PSMD14: variants seen among roughly 807,000 people sequenced by gnomAD.
PSMD14 encodes the protein proteasome 26S subunit, non-ATPase 14, also known as ubiquitin C-terminal hydrolase PSMD14.
Under a neutral mutation model 41.2 loss-of-function variants are expected in PSMD14, and 7 were observed. The ratio of observed to expected loss-of-function variants is 0.17; its 90% confidence interval spans 0.10 to 0.32. The LOEUF is 0.32. Ranked by LOEUF, PSMD14 falls within the 10% of genes least tolerant of loss-of-function variation. The pLI is 1.00. For missense variants in PSMD14, 139 were observed against 375.6 expected, an observed-to-expected ratio of 0.37 and a Z score of 5.21; for synonymous variants, 114 against 122.3, an observed-to-expected ratio of 0.93 and a Z score of 0.45.
intron 8 of PSMD14, among the ~76,000 whole-genome samples, chr2:161,388,361 G>A (rs189698838): frequency 2.0e-5 from 3 of 152,190 alleles, no homozygotes; most frequent in Admixed American, 1.3e-4. Flanking sequence ...GGCCCATAAA[G>A]TTGAGTTGCC....
At chr2:161,403,930 C>G (rs1293173419) in intron 10 of PSMD14, among the ~76,000 whole-genome samples, 1 of 151,322 alleles carries the variant, frequency 6.6e-6, no homozygotes, top group East Asian at 1.9e-4. Flanking sequence ...TTTTAAGGGA[C>G]CAGGTCTTGC....
intron 11 of PSMD14, among the ~76,000 whole-genome samples, 197 bp from the exon 12 acceptor site, chr2:161,411,103 CTA>C (rs1170779460): frequency 6.6e-6 from 1 of 152,010 alleles, no homozygotes; most frequent in African/African-American, 2.4e-5. Flanking sequence ...ATTGTGTAAT[CTA>C]TTATTTTATT....
intron 3 of PSMD14, among the ~76,000 whole-genome samples, chr2:161,325,916 G>C (rs1682688190): frequency 6.6e-6 from 1 of 152,172 alleles, no homozygotes; most frequent in South Asian, 2.1e-4. Flanking sequence ...CTGTTCATTA[G>C]ATGATGCTGA....
In PSMD14 at chr2:161,370,112, C is replaced by T. The variant is rs2105257330; in HGVS notation, c.246C>T (p.Val82=). Reference sequence around the variant, plus strand: ...TTTCTTTCTTTCTAAATCAGGGTGTCAGTGTGGAGGCAGTTGATCCAGTGT... The same window carrying T: ...TTTCTTTCTTTCTAAATCAGGGTGTTAGTGTGGAGGCAGTTGATCCAGTGT... ...VFAMPQSGTG[V]SVEAVDPVFQ... is the part of the protein sequence containing the mutation. Residue 82 remains valine (V), a synonymous_variant, in exon 6 of 12, where the codon GTC becomes GTT. Transcript: ENST00000409682. The T allele has an allele frequency of 1.3e-6, 2 of 1,577,660 alleles. No individual in the cohort carries two copies. The highest frequency in any genetic ancestry group is 1.2e-5 in the South Asian group (1 of 84,384).
In PSMD14 at chr2:161,371,334, T is replaced by A. The variant is rs757853993; in HGVS notation, c.462+12T>A. On this transcript the variant is annotated intron_variant, in intron 7 of 11. Transcript: ENST00000409682. ...GTGTAAAAGGAAAGGTAGAGTAGAT[T>A]CTATCTTTATTGCCATCTACTGCCA... The A allele has an allele frequency of 3.1e-6, 5 of 1,600,302 alleles. No homozygotes were observed. The South Asian group carries it at 5.6e-5, about 18-fold the overall frequency.
chr2:161,349,143 G>A (rs1008408610), intron 3 of PSMD14, among the ~76,000 whole-genome samples: 5 of 152,168 alleles, frequency 3.3e-5, no homozygotes, highest in Admixed American at 6.5e-5. Flanking sequence ...GCTATTGAAA[G>A]TAATGGCAAA....
At chr2:161,334,417 G>T (rs1043936003) in intron 3 of PSMD14, among the ~76,000 whole-genome samples, 1 of 152,142 alleles carries the variant, frequency 6.6e-6, no homozygotes, top group Admixed American at 6.5e-5. Context: ...TTTGTGTGTT[G>T]TTCTCTCTCC....
chr2:161,378,908 A>C (rs1683537791), intron 7 of PSMD14, among the ~76,000 whole-genome samples: 1 of 152,068 alleles, frequency 6.6e-6, no homozygotes, highest in African/African-American at 2.4e-5. Context: ...AGTGATACAC[A>C]GCAAAGTAAT....
At chr2:161,369,343 G>A (rs921577665) in intron 5 of PSMD14, among the ~76,000 whole-genome samples, 1 of 151,848 alleles carries the variant, frequency 6.6e-6, no homozygotes, top group Non-Finnish European at 1.5e-5. Flanking sequence ...TGTCTCTGTT[G>A]CATATTCTTC....
chr2:161,311,625 C>CTTTTTTTTTTTTT, intron 1 of PSMD14, among the ~76,000 whole-genome samples: 1 of 58,534 alleles, frequency 1.7e-5, no homozygotes, highest in Non-Finnish European at 3.1e-5. Flanking sequence ...CTCACTCTTC[C>CTTTTTTTTTTTTT]TTTTTTTTTT....
In PSMD14 at chr2:161,308,577, G is replaced by A. The variant is rs887920060; in HGVS notation, c.-165G>A. On this transcript the variant is annotated 5_prime_UTR_variant, in exon 1 of 12. Coordinates refer to ENST00000409682, the MANE Select transcript of PSMD14 (RefSeq NM_005805.6). ...CAGAGGCAAGACAAGGGTCCATATC[G>A]CGGCATCCGGCTCCCGCCCGTCTTC... is the stretch of plus-strand genomic sequence containing the variant. The A allele has an allele frequency of 6.6e-6, 1 of 152,322 alleles. No homozygotes were observed. Among genetic ancestry groups the A allele is most frequent in the Admixed American group, 6.5e-5 (1 of 15,288 alleles). The allele number at this position is 152,322 out of a possible 1,614,324, so 9.4% of individuals were successfully genotyped here.
intron 3 of PSMD14, among the ~76,000 whole-genome samples, chr2:161,340,465 A>G (rs1226315442): frequency 6.6e-6 from 1 of 152,202 alleles, no homozygotes; most frequent in Non-Finnish European, 1.5e-5. Flanking sequence ...CTGCTTTTAA[A>G]ATGTTCGTTT....
chr2:161,356,459 G>A (rs1222672715), intron 3 of PSMD14, among the ~76,000 whole-genome samples: 2 of 152,014 alleles, frequency 1.3e-5, no homozygotes, highest in Admixed American at 1.3e-4. Context: ...ATTTTTAATT[G>A]AGGAAACTGA....
intron 1 of PSMD14, among the ~76,000 whole-genome samples, chr2:161,314,083 C>CA (rs1454256806): frequency 6.6e-6 from 1 of 152,122 alleles, no homozygotes; most frequent in African/African-American, 2.4e-5. Flanking sequence ...TTCATAATTG[C>CA]AAAACATTTA....
intron 10 of PSMD14, among the ~76,000 whole-genome samples, chr2:161,407,308 G>A (rs747941267): frequency 1.3e-5 from 2 of 152,114 alleles, no homozygotes; most frequent in Non-Finnish European, 2.9e-5. Context: ...AAATAATAGA[G>A]TGACATCTGA....
chr2:161,392,956 C>T (rs1230274365), intron 9 of PSMD14, among the ~76,000 whole-genome samples: 3 of 152,084 alleles, frequency 2.0e-5, no homozygotes, highest in Non-Finnish European at 4.4e-5. Flanking sequence ...GGGAGTATCT[C>T]ATAAACTTAG....
intron 5 of PSMD14, among the ~76,000 whole-genome samples, chr2:161,368,662 A>C (rs769708507): frequency 1.3e-5 from 2 of 151,954 alleles, no homozygotes; most frequent in African/African-American, 2.4e-5. Context: ...ATATGCATGT[A>C]TTTTTCCAAG....
At chr2:161,351,932 C>T (rs554896317) in intron 3 of PSMD14, among the ~76,000 whole-genome samples, 1 of 152,074 alleles carries the variant, frequency 6.6e-6, no homozygotes, top group Admixed American at 6.6e-5. Flanking sequence ...CCTGAGAGAG[C>T]GGAACCAGAA....
intron 8 of PSMD14, among the ~76,000 whole-genome samples, 160 bp downstream of exon 8, chr2:161,385,731 A>G (rs960261786): frequency 3.3e-5 from 5 of 151,820 alleles, no homozygotes; most frequent in Admixed American, 3.3e-4. Flanking sequence ...TAAAAATTAG[A>G]TTTGCTCATA....
Sources: gnomAD v4.1 joint callset for allele counts (sites outside exome capture counted in the v4.1 genomes callset) on GRCh38, gnomAD v4.1.1 for gene constraint, MANE v1.5 for transcripts, NCBI Gene and HGNC (gene_info 2026-07-23, HGNC 2026-07-21) for gene names.